CNTN4: variants seen among roughly 807,000 people sequenced by gnomAD.
CNTN4 encodes the protein contactin 4.
CNTN4 carries 77 observed loss-of-function variants against 122.5 expected under a neutral mutation model. The ratio of observed to expected loss-of-function variants is 0.63; its 90% CI spans 0.52 to 0.76. The LOEUF (loss-of-function observed/expected upper bound fraction) is 0.76, where lower values mean the gene tolerates loss of function less well. CNTN4 is among the 30% of genes least tolerant of loss of function. CNTN4 has a pLI of 0.00. For missense variants in CNTN4, 1,256 were observed against 1,259.1 expected, an observed-to-expected ratio of 1.00 and a Z score of 0.04; for synonymous variants, 512 against 447.0, an observed-to-expected ratio of 1.15 and a Z score of -1.83.
chr3:2,715,030 G>T (rs1156575646), intron 4 of CNTN4, among the ~76,000 whole-genome samples: 1 of 152,128 alleles, frequency 6.6e-6, no homozygotes, highest in African/African-American at 2.4e-5. Flanking sequence ...ACAGCATTTG[G>T]CAGCTTTCTA....
At chr3:2,957,657 A>C (rs961960058) in intron 13 of CNTN4, among the ~76,000 whole-genome samples, 3 of 152,034 alleles carry the variant, frequency 2.0e-5, no homozygotes, top group Admixed American at 6.6e-5. Flanking sequence ...ATGTGTACTC[A>C]ATGTTTAGCT....
At chr3:2,873,450 C>T (rs1376845869) in intron 8 of CNTN4, among the ~76,000 whole-genome samples, 1 of 152,228 alleles carries the variant, frequency 6.6e-6, no homozygotes, top group Non-Finnish European at 1.5e-5. Flanking sequence ...GCCTTCACCT[C>T]TGTGACCATT....
chr3:2,383,708 T>A (rs1363308920), intron 3 of CNTN4, among the ~76,000 whole-genome samples: 1 of 144,938 alleles, frequency 6.9e-6, no homozygotes, highest in Admixed American at 7.0e-5. Context: ...TTTCTTTCCC[T>A]CCCTCTCCTT....
chr3:2,148,942 CTGTGTGTG>C (rs59161687), intron 2 of CNTN4, among the ~76,000 whole-genome samples: 41,477 of 149,120 alleles, frequency 0.28, 6,208 homozygotes, highest in South Asian at 0.43. Context: ...ACTACCGTGA[CTGTGTGTG>C]TGTGTGTGTG....
intron 4 of CNTN4, among the ~76,000 whole-genome samples, chr3:2,707,239 G>A (rs143016373): frequency 0.014 from 2,066 of 151,898 alleles, 35 homozygotes; most frequent in African/African-American, 0.042. Flanking sequence ...CCAGGAGGTT[G>A]AGGCTGCAGT....
At chr3:2,704,189 C>T (rs1158630513) in intron 4 of CNTN4, among the ~76,000 whole-genome samples, 5 of 149,114 alleles carry the variant, frequency 3.4e-5, no homozygotes, top group Non-Finnish European at 7.4e-5. Flanking sequence ...CCCCAGTACT[C>T]GGGAGGCTGA....
intron 14 of CNTN4, among the ~76,000 whole-genome samples, chr3:3,004,976 GC>G (rs1696471267): frequency 6.6e-6 from 1 of 152,178 alleles, no homozygotes; most frequent in African/African-American, 2.4e-5. Context: ...AATTCAAGAG[GC>G]AGCCCTGATG....
At chr3:3,052,904 C>G (rs545903623) in intron 23 of CNTN4, among the ~76,000 whole-genome samples, 26 of 152,336 alleles carry the variant, frequency 1.7e-4, no homozygotes, top group African/African-American at 6.0e-4. Flanking sequence ...GTGATCATAA[C>G]TTATTGTGCC....
chr3:2,594,682 A>C (rs1412198585), intron 4 of CNTN4, among the ~76,000 whole-genome samples: 12 of 152,132 alleles, frequency 7.9e-5, no homozygotes, highest in Admixed American at 7.9e-4. Flanking sequence ...GGCCTCCCAA[A>C]GTGCTGGGAT....
intron 2 of CNTN4, among the ~76,000 whole-genome samples, chr3:2,327,041 C>G (rs1029707325): frequency 3.3e-5 from 5 of 152,088 alleles, no homozygotes; most frequent in Admixed American, 6.5e-5. Flanking sequence ...GTAGCATTGC[C>G]TACCCTGGAG....
intron 6 of CNTN4, among the ~76,000 whole-genome samples, chr3:2,789,514 C>G (rs1191687468): frequency 1.3e-5 from 2 of 152,126 alleles, no homozygotes; most frequent in Admixed American, 1.3e-4. Flanking sequence ...CTCACTGCAA[C>G]CTCCGCCTCC....
chr3:2,447,099 T>A (rs916251128), intron 3 of CNTN4, among the ~76,000 whole-genome samples: 1 of 152,208 alleles, frequency 6.6e-6, no homozygotes, highest in Non-Finnish European at 1.5e-5. Flanking sequence ...CTCTACTAAC[T>A]GCCTTCTATT....
chr3:2,846,803 C>A (rs1183590985), intron 7 of CNTN4, among the ~76,000 whole-genome samples: 2 of 152,070 alleles, frequency 1.3e-5, no homozygotes, highest in African/African-American at 2.4e-5. Flanking sequence ...TCGAGACCAC[C>A]CTGACCAACA....
At chr3:2,973,900 T>C (rs1007620451) in intron 13 of CNTN4, among the ~76,000 whole-genome samples, 1 of 152,186 alleles carries the variant, frequency 6.6e-6, no homozygotes, top group Admixed American at 6.5e-5. Context: ...AGGAAGTTGA[T>C]CATGGGAGAA....
chr3:2,473,603 A>T (rs1256469485), intron 3 of CNTN4, among the ~76,000 whole-genome samples: 1 of 152,208 alleles, frequency 6.6e-6, no homozygotes, highest in African/African-American at 2.4e-5. Flanking sequence ...ATTTTAGAAC[A>T]TACCTATCAA....
rs1011497248 is a variant in CNTN4, at chr3:2,922,659, C to A, written c.1208-2970C>A. 2.2e-5 allele frequency among the ~76,000 whole-genome samples: 3 copies of A among 136,282 alleles called. No homozygotes were observed. The Admixed American group carries it at 2.5e-4, about 12-fold the overall frequency. 89.4% of individuals were successfully genotyped at this position (136,282 alleles called of 152,430 possible). ...ACGGAGTCTAGCTCTGTCCCCCAGG[C>A]TGGAGTGCAGTGGCACGATCTTGGC... On this transcript the variant is annotated intron_variant, in intron 12 of 24. Coordinates refer to ENST00000418658, the MANE Select transcript of CNTN4 (RefSeq NM_175607.3).
intron 6 of CNTN4, among the ~76,000 whole-genome samples, chr3:2,815,752 G>T (rs548851978): frequency 6.6e-6 from 1 of 152,144 alleles, no homozygotes; most frequent in Non-Finnish European, 1.5e-5. Context: ...CAGAGGAAAA[G>T]AAGTCATTGT....
chr3:2,159,385 A>G (rs924111054), intron 2 of CNTN4, among the ~76,000 whole-genome samples: 1 of 152,204 alleles, frequency 6.6e-6, no homozygotes, highest in Admixed American at 6.5e-5. Context: ...GGCATAAATT[A>G]TCTACTTACT....
chr3:2,183,931 A>G (rs1380392087), intron 2 of CNTN4, among the ~76,000 whole-genome samples: 4 of 152,190 alleles, frequency 2.6e-5, no homozygotes. Context: ...TCCTCTCCAG[A>G]GAACAGGGTA....
Sources: allele counts gnomAD v4.1 joint callset (sites outside exome capture counted in the v4.1 genomes callset), GRCh38; gene constraint gnomAD v4.1.1; transcripts MANE v1.5; gene names NCBI Gene and HGNC (gene_info 2026-07-23, HGNC 2026-07-21).